The following RNMT variants were observed in gnomAD, a reference collection of about 807,000 sequenced individuals.
RNMT encodes mRNA cap guanine-N(7) methyltransferase.
In RNMT, 27 loss-of-function variants were observed where a neutral mutation model predicts 56.0. That is an observed-to-expected ratio of 0.48 (90% CI 0.36 to 0.67). The LOEUF (loss-of-function observed/expected upper bound fraction) is 0.67. Ranked by LOEUF, RNMT falls within the 30% of genes least tolerant of loss-of-function variation. RNMT has a pLI of 0.00. For synonymous variants in RNMT, 184 were observed against 176.2 expected (o/e 1.04, Z -0.35); for missense variants, 519 against 552.1 (o/e 0.94, Z 0.60).
chr18:13,757,689 G>A (rs181756191), intron 11 of RNMT, among the ~76,000 whole-genome samples: 1 of 152,116 alleles, frequency 6.6e-6, no homozygotes, highest in Admixed American at 6.5e-5. Flanking sequence ...ATGCATGAGG[G>A]TTGGAATCCA....
intron 4 of RNMT, 32 bp from the exon 5 acceptor site, chr18:13,736,978 G>T: frequency 3.0e-5 from 48 of 1,592,718 alleles, no homozygotes; most frequent in Non-Finnish European, 4.0e-5. Flanking sequence ...TGAAGAAGAG[G>T]TAGTTTATTG....
chr18:13,754,246 C>A (rs559167927), intron 11 of RNMT, 99 bp downstream of exon 11: 2 of 718,968 alleles, frequency 2.8e-6, no homozygotes, highest in Admixed American at 2.7e-5. Flanking sequence ...GTGGCTCACA[C>A]CAGTACTCTC....
chr18:13,746,253 C>CA lies in RNMT; in HGVS notation c.1180dup (p.Thr394AsnfsTer11). On this transcript the variant is annotated frameshift_variant, in exon 9 of 12. Transcript: ENST00000383314. LOFTEE classifies it high-confidence loss of function. ...AGAAGTACAATATGAAACTAGTCTA[C>CA]AAAAAAACATTTCTGGAATTCTACG... The CA allele has an allele frequency of 1.9e-6, 3 of 1,559,460 alleles. No homozygotes were observed. Among genetic ancestry groups the CA allele is most frequent in the Non-Finnish European group, 2.6e-6 (3 of 1,141,640 alleles).
At chr18:13,735,691 G>A (rs1568500566) in intron 4 of RNMT, among the ~76,000 whole-genome samples, 6 of 151,310 alleles carry the variant, frequency 4.0e-5, no homozygotes, top group South Asian at 4.2e-4. Context: ...TAACTTTTTC[G>A]AGTCCATATT....
chr18:13,761,376 GGAAAGGAAGTC>G lies in RNMT; in HGVS notation c.*1398_*1408del. 2 of 985,408 alleles carry G rather than the reference GGAAAGGAAGTC, an allele frequency of 2.0e-6. No homozygotes were observed. The highest frequency in any genetic ancestry group is 2.4e-6 in the Non-Finnish European group (2 of 829,932). The allele number at this position is 985,408 out of a possible 1,614,324, so 61.0% of individuals were successfully genotyped here. A position where few individuals can be genotyped will look rare whatever the true frequency, so the allele number is the denominator to read the frequency against. On this transcript the variant is annotated 3_prime_UTR_variant, in exon 12 of 12. Transcript: ENST00000383314. ...TTTGTAAATGGTGTCAGTGAGGTGGGGAAAGGAAGTCTTCCTGTCACATATGCAGGTTCGTT... is the reference window on the plus strand; with the variant it reads ...TTTGTAAATGGTGTCAGTGAGGTGGGTTCCTGTCACATATGCAGGTTCGTT...
At chr18:13,728,700 A>G (rs1303317350) in intron 1 of RNMT, among the ~76,000 whole-genome samples, 1 of 151,972 alleles carries the variant, frequency 6.6e-6, no homozygotes, top group African/African-American at 2.4e-5. Flanking sequence ...ATGGTATCTC[A>G]TTGTGGTTTT....
At position 13,763,267 on chromosome 18, in the gene RNMT, C is replaced by T. The variant is rs552857120; in HGVS notation, c.*3288C>T. The T allele has an allele frequency of 4.9e-6, 2 of 404,246 alleles. No individual in the cohort carries two copies. The highest frequency in any genetic ancestry group is 1.8e-5 in the South Asian group (1 of 54,820). 25.0% of individuals were successfully genotyped at this position (404,246 alleles called of 1,614,324 possible). A position where few individuals can be genotyped will look rare whatever the true frequency, so the allele number is the denominator to read the frequency against. The stretch of plus-strand genomic sequence containing the variant: ...AAGGCAACCAGTGCAAAGGCTACTA[C>T]ACTTGTGTAATGATATTTAGCAGAT... On this transcript the variant is annotated 3_prime_UTR_variant, in exon 12 of 12. Coordinates refer to ENST00000383314, the MANE Select transcript of RNMT (RefSeq NM_003799.3).
In RNMT at chr18:13,764,131, G is replaced by A. The variant is rs572705649; in HGVS notation, c.*4152G>A. 2.0e-5 allele frequency: 3 copies of A among 152,314 alleles called. No homozygotes were observed. The highest frequency in any genetic ancestry group is 4.2e-4 in the South Asian group (2 of 4,818). 9.4% of individuals were successfully genotyped at this position (152,314 alleles called of 1,614,324 possible). On this transcript the variant is annotated 3_prime_UTR_variant, in exon 12 of 12. Coordinates refer to ENST00000383314, the MANE Select transcript of RNMT (RefSeq NM_003799.3). Reference sequence around the variant, plus strand: ...TGGCAGGAGCTGAGAATGCCAGTACGAGAGTGTAGCCAAAGTGAGAGGCTG... The same window carrying A: ...TGGCAGGAGCTGAGAATGCCAGTACAAGAGTGTAGCCAAAGTGAGAGGCTG...
In RNMT at chr18:13,761,693, C is replaced by T. The variant is rs2044621867; in HGVS notation, c.*1714C>T. ...AAAGGAGCAGAGAGCAAGATTAGAT[C>T]TGAGAAGATGCTCTGGGGACTGAGC... is the stretch of plus-strand genomic sequence containing the variant. On this transcript the variant is annotated 3_prime_UTR_variant, in exon 12 of 12. Transcript: ENST00000383314. 2 of 1,071,826 alleles carry T rather than the reference C, an allele frequency of 1.9e-6. No individual in the cohort carries two copies. The highest frequency in any genetic ancestry group is 2.3e-6 in the Non-Finnish European group (2 of 883,480). 66.4% of individuals were successfully genotyped at this position (1,071,826 alleles called of 1,614,324 possible).
intron 3 of RNMT, among the ~76,000 whole-genome samples, chr18:13,732,221 A>G (rs1267420449): frequency 6.6e-6 from 1 of 152,082 alleles, no homozygotes; most frequent in Non-Finnish European, 1.5e-5. Context: ...TCCGAGACAG[A>G]GTCTTGCACT....
In RNMT at chr18:13,762,215, G is replaced by A. The variant is rs932739735; in HGVS notation, c.*2236G>A. 2 of 1,466,182 alleles carry A rather than the reference G, an allele frequency of 1.4e-6. No individual in the cohort carries two copies. The highest frequency in any genetic ancestry group is 1.4e-5 in the African/African-American group (1 of 71,158). The allele number at this position is 1,466,182 out of a possible 1,614,324, so 90.8% of individuals were successfully genotyped here. A position where few individuals can be genotyped will look rare whatever the true frequency, so the allele number is the denominator to read the frequency against. ...GCTATTGGTGGGAATGACGGAACTG[G>A]GGATTGCGATGATTGATCTGGGAAC... On this transcript the variant is annotated 3_prime_UTR_variant, in exon 12 of 12. Coordinates refer to ENST00000383314, the MANE Select transcript of RNMT (RefSeq NM_003799.3).
At chr18:13,734,083 T>G (rs918666490) in intron 3 of RNMT, among the ~76,000 whole-genome samples, 1 of 152,206 alleles carries the variant, frequency 6.6e-6, no homozygotes, top group African/African-American at 2.4e-5. Flanking sequence ...TCTGATGGTT[T>G]TATAAGGGGT....
At chr18:13,738,781 A>C (rs902252558) in intron 5 of RNMT, among the ~76,000 whole-genome samples, 2 of 152,222 alleles carry the variant, frequency 1.3e-5, no homozygotes, top group African/African-American at 4.8e-5. Flanking sequence ...TTTGAAAGTC[A>C]ATTTTATTTT....
Position 13,760,590 on chromosome 18 carries a change from A to C in RNMT, c.*611A>C, listed in dbSNP as rs919310133. 9 of 985,492 alleles carry C rather than the reference A, an allele frequency of 9.1e-6. No homozygotes were observed. Among genetic ancestry groups the C allele is most frequent in the Non-Finnish European group, 1.1e-5 (9 of 829,922 alleles). 61.0% of individuals were successfully genotyped at this position (985,492 alleles called of 1,614,324 possible). A position where few individuals can be genotyped will look rare whatever the true frequency, so the allele number is the denominator to read the frequency against. On this transcript the variant is annotated 3_prime_UTR_variant, in exon 12 of 12. Transcript: ENST00000383314. The stretch of plus-strand genomic sequence containing the variant: ...ATTCAGGAGCTGGTTAGAACATTTT[A>C]AGTGGCAGCATAGAATTTTGGAATT...
chr18:13,746,282 A>G lies in RNMT; in HGVS notation c.1202A>G (p.Glu401Gly), dbSNP rs1489445655. ...AAAACATTTCTGGAATTCTACGAAGAAAAGATTAAGAACAATGAAAATAAA... is the reference window on the plus strand; with the variant it reads ...AAAACATTTCTGGAATTCTACGAAGGAAAGATTAAGAACAATGAAAATAAA... ...YKKTFLEFYE[E>G]KIKNNENKML... is the part of the protein sequence containing the mutation. Residue 401 changes from glutamate (E) to glycine (G), a missense_variant, in exon 9 of 12, where the codon GAA (glutamate) becomes GGA (glycine). Transcript: ENST00000383314. 2 of 1,578,678 alleles carry G rather than the reference A, an allele frequency of 1.3e-6. No individual in the cohort carries two copies. Among genetic ancestry groups the G allele is most frequent in the Non-Finnish European group, 1.7e-6 (2 of 1,155,446 alleles).
At chr18:13,734,698 C>A in intron 4 of RNMT, 99 bp downstream of exon 4, 1 of 972,186 alleles carries the variant, frequency 1.0e-6, no homozygotes, top group Non-Finnish European at 1.5e-6. Context: ...GTCTTGAAGA[C>A]AAATTCTTCT....
intron 1 of RNMT, 139 bp downstream of exon 1, chr18:13,726,868 G>C (rs2043963292): frequency 6.6e-6 from 1 of 152,294 alleles, no homozygotes; most frequent in Non-Finnish European, 1.5e-5. Context: ...CCCAACGCGT[G>C]GGTCTATTGC....
rs531569119 is a variant in RNMT, at chr18:13,756,768, T to C, written c.1393+2621T>C. On this transcript the variant is annotated intron_variant, in intron 11 of 11. Transcript: ENST00000383314. The stretch of plus-strand genomic sequence containing the variant: ...AAGAAGCTGGAGTCTTGGGAGGCCA[T>C]CAGGCAGTTAGCTGTGTTCATCTAC... Among the ~76,000 whole-genome samples the C allele has an allele frequency of 2.6e-5, 4 of 152,328 alleles. No individual in the cohort carries two copies. The South Asian group carries it at 8.3e-4, about 32-fold the overall frequency.
In RNMT at chr18:13,760,133, T is replaced by C; in HGVS notation, c.*154T>C. ...TCCAATGTAGAAATTCAACATTTGC[T>C]GTCTGTGACAGATGAACTTTTGCAT... On this transcript the variant is annotated 3_prime_UTR_variant, in exon 12 of 12. Transcript: ENST00000383314. The C allele has an allele frequency of 7.3e-7, 1 of 1,364,582 alleles. No individual in the cohort carries two copies. The highest frequency in any genetic ancestry group is 9.5e-7 in the Non-Finnish European group (1 of 1,057,566). The allele number at this position is 1,364,582 out of a possible 1,614,324, so 84.5% of individuals were successfully genotyped here.
Sources: allele counts gnomAD v4.1 joint callset (sites outside exome capture counted in the v4.1 genomes callset), GRCh38; gene constraint gnomAD v4.1.1; transcripts MANE v1.5; gene names NCBI Gene and HGNC (gene_info 2026-07-23, HGNC 2026-07-21).